PKD1L3: variants seen among roughly 807,000 people sequenced by gnomAD.
The protein encoded by PKD1L3 is polycystin 1 like 3, transient receptor potential channel interacting, also known as polycystin-1-like protein 3.
A neutral mutation model predicts 184.1 loss-of-function variants in PKD1L3; 239 were observed. The ratio of observed to expected loss-of-function variants is 1.30; its 90% CI spans 1.17 to 1.45. The LOEUF (loss-of-function observed/expected upper bound fraction) is 1.45, where lower values mean the gene tolerates loss of function less well. Among genes scored for constraint, PKD1L3 ranks in the 40% most tolerant of loss-of-function variants. PKD1L3 has a pLI of 0.00. For missense variants in PKD1L3, 2,660 were observed against 2,067.2 expected (o/e 1.29, Z -5.56); for synonymous variants, 996 against 778.8 (o/e 1.28, Z -4.64).
intron 16 of PKD1L3, among the ~76,000 whole-genome samples, chr16:71,955,228 C>T (rs756834719): frequency 7.2e-5 from 11 of 151,814 alleles, no homozygotes; most frequent in Non-Finnish European, 1.5e-4. Context: ...AAACCAGTCA[C>T]GGGTGGTGTT....
At position 71,942,776 on chromosome 16, in the gene PKD1L3, G is replaced by A. The variant is rs967938521; in HGVS notation, c.4108C>T (p.Pro1370Ser). The A allele has an allele frequency of 6.4e-6, 10 of 1,551,530 alleles. No homozygotes were observed. The East Asian group carries it at 1.7e-4, about 27-fold the overall frequency. Reference sequence around the variant, plus strand: ...ACTTTCTCATAGGTCTTGGTACGGGGTATTTGGAAAATTAATTGTACCCCA... The same window carrying A: ...ACTTTCTCATAGGTCTTGGTACGGGATATTTGGAAAATTAATTGTACCCCA... ...KCGVQLIFQI[P>S]RTKTYEKVDE... Residue 1370 changes from proline (P) to serine (S), a missense_variant, in exon 24 of 30, where the codon CCC becomes TCC. Coordinates refer to ENST00000620267, the MANE Select transcript of PKD1L3 (RefSeq NM_181536.2).
At chr16:71,995,073 G>C (rs1191186086) in intron 2 of PKD1L3, among the ~76,000 whole-genome samples, 1 of 152,178 alleles carries the variant, frequency 6.6e-6, no homozygotes, top group South Asian at 2.1e-4. Context: ...CACAAACAGG[G>C]TAATTTATAA....
chr16:71,983,076 G>C (rs1426706537), intron 6 of PKD1L3, among the ~76,000 whole-genome samples: 1 of 152,142 alleles, frequency 6.6e-6, no homozygotes, highest in East Asian at 1.9e-4. Flanking sequence ...TTTTTGAGTG[G>C]TGAGTAGACC....
intron 16 of PKD1L3, among the ~76,000 whole-genome samples, chr16:71,960,809 G>A (rs1365895196): frequency 6.6e-6 from 1 of 152,146 alleles, no homozygotes; most frequent in African/African-American, 2.4e-5. Flanking sequence ...TGTAATCCTA[G>A]CTACTCGGGA....
intron 2 of PKD1L3, among the ~76,000 whole-genome samples, chr16:71,994,172 T>C (rs760545753): frequency 3.3e-5 from 5 of 152,320 alleles, no homozygotes; most frequent in South Asian, 2.1e-4. Context: ...ATGATGACTA[T>C]GGCTCAGCTT....
chr16:71,942,646 G>C lies in PKD1L3; in HGVS notation c.4238C>G (p.Pro1413Arg). The C allele has an allele frequency of 6.4e-7, 1 of 1,551,684 alleles. No homozygotes were observed. The highest frequency in any genetic ancestry group is 8.7e-7 in the Non-Finnish European group (1 of 1,146,996). The change falls in exon 24 of 30, where the codon CCC becomes CGC. Residue 1413 changes from proline (P) to arginine (R), a missense_variant. By Grantham distance (103) the Pro-to-Arg change is moderately radical (BLOSUM62 -2). Transcript: ENST00000620267. ...HLRRFSYICS[P>R]RPMVLIPTDE... Reference sequence around the variant, plus strand: ...AGTGGGAATCAGCACCATGGGCCTGGGTGAACAGATGTAACTGAACCTCCT... The same window carrying C: ...AGTGGGAATCAGCACCATGGGCCTGCGTGAACAGATGTAACTGAACCTCCT...
chr16:71,967,831 G>C, intron 14 of PKD1L3, 75 bp downstream of exon 14: 1 of 1,269,268 alleles, frequency 7.9e-7, no homozygotes, highest in Non-Finnish European at 1.1e-6. Flanking sequence ...TTGGTTGCCA[G>C]GATATCACCA....
At chr16:71,984,328 G>A (rs2040277557) in intron 5 of PKD1L3, among the ~76,000 whole-genome samples, 161 bp from the exon 6 acceptor site, 2 of 152,192 alleles carry the variant, frequency 1.3e-5, no homozygotes, top group Non-Finnish European at 2.9e-5. Flanking sequence ...TTTTCTGCGA[G>A]TGGACAGAAT....
At chr16:71,979,710 A>T in intron 9 of PKD1L3, 76 bp downstream of exon 9, 1 of 1,429,368 alleles carries the variant, frequency 7.0e-7, no homozygotes, top group South Asian at 1.6e-5. Flanking sequence ...ATTTCATGAT[A>T]CATTACTTTC....
intron 4 of PKD1L3, among the ~76,000 whole-genome samples, chr16:71,987,174 T>C (rs1011943564): frequency 1.3e-5 from 2 of 151,618 alleles, no homozygotes; most frequent in African/African-American, 2.4e-5. Flanking sequence ...CCACCCACCT[T>C]GGCCTCCCAA....
intron 4 of PKD1L3, among the ~76,000 whole-genome samples, chr16:71,988,498 A>T (rs923060807): frequency 6.6e-6 from 1 of 152,200 alleles, no homozygotes; most frequent in Non-Finnish European, 1.5e-5. Context: ...CCAAGCCAGC[A>T]AACGTGAAAG....
intron 15 of PKD1L3, among the ~76,000 whole-genome samples, chr16:71,963,643 G>A (rs12923797): frequency 0.085 from 12,906 of 152,172 alleles, 770 homozygotes; most frequent in Non-Finnish European, 0.13. Flanking sequence ...TTAGCTGGGC[G>A]TGGTGGTGTG....
Position 71,986,437 on chromosome 16 carries a change from A to T in PKD1L3, c.618T>A (p.Phe206Leu). 6.4e-7 allele frequency: 1 copy of T among 1,551,988 alleles called. No individual in the cohort carries two copies. Among genetic ancestry groups the T allele is most frequent in the Non-Finnish European group, 8.7e-7 (1 of 1,146,878 alleles). Residue 206 changes from phenylalanine (F) to leucine (L), a missense_variant, in exon 5 of 30, where the codon TTT becomes TTA. Physicochemically the swap from Phe to Leu is conservative, Grantham distance 22. Coordinates refer to ENST00000620267, the MANE Select transcript of PKD1L3 (RefSeq NM_181536.2). Reference protein sequence around the residue: ...SKTLCHPISQFPSVLSSITSQ... With the variant: ...SKTLCHPISQLPSVLSSITSQ... ...ATGTGATACTTGATAGTACTGAAGG[A>T]AACTGGCTGATGGGATGACACAGGG...
Position 71,977,561 on chromosome 16 carries a change from T to TTCCTA in PKD1L3, c.1528-95_1528-94insTAGGA. 45 of 392,084 alleles carry TTCCTA rather than the reference T, an allele frequency of 1.1e-4. 1 individual carries two copies. Among genetic ancestry groups the TTCCTA allele is most frequent in the South Asian group, 1.5e-4 (4 of 26,588 alleles). 24.3% of individuals were successfully genotyped at this position (392,084 alleles called of 1,614,324 possible). ...ATAAGGTAAGGAAACGTCCTAGCTC[T>TTCCTA]TTTTTTTTTTTTTTTTTTTGAGATG... On this transcript the variant is annotated intron_variant, in intron 10 of 29. Transcript: ENST00000620267.
chr16:71,967,950 G>A lies in PKD1L3; in HGVS notation c.2242C>T (p.Gln748Ter). 5.8e-6 allele frequency: 9 copies of A among 1,551,606 alleles called. No individual in the cohort carries two copies. The highest frequency in any genetic ancestry group is 7.8e-6 in the Non-Finnish European group (9 of 1,146,900). The part of the protein sequence containing the change: ...DPSAQFHYLI[Q>*]VYTGYRRSAA... Reference sequence around the variant, plus strand: ...CTTCTTCGATATCCGGTGTAGACCTGAATAAGGTAGTGAAATTGAGCGCTG... The same window carrying A: ...CTTCTTCGATATCCGGTGTAGACCTAAATAAGGTAGTGAAATTGAGCGCTG... Residue 748 changes from glutamine to a stop codon, truncating the protein, a stop_gained, in exon 14 of 30, where the codon CAG becomes TAG. Transcript: ENST00000620267. LOFTEE classifies it high-confidence loss of function.
At chr16:71,988,805 G>A (rs1399788857) in intron 4 of PKD1L3, among the ~76,000 whole-genome samples, 1 of 152,166 alleles carries the variant, frequency 6.6e-6, no homozygotes, top group African/African-American at 2.4e-5. Flanking sequence ...ACCTGAAGCA[G>A]CAGTTAGAGT....
chr16:71,971,277 T>TA (rs1185122404), intron 12 of PKD1L3, among the ~76,000 whole-genome samples: 3 of 152,230 alleles, frequency 2.0e-5, no homozygotes, highest in Admixed American at 6.5e-5. Flanking sequence ...TTCAATGTTT[T>TA]TTATTATTCT....
intron 28 of PKD1L3, among the ~76,000 whole-genome samples, chr16:71,931,502 T>C (rs1162254012): frequency 7.2e-6 from 1 of 138,352 alleles, no homozygotes; most frequent in Non-Finnish European, 1.5e-5. Context: ...GGTCTTGCTC[T>C]CACCCCGGCT....
At chr16:71,992,562 G>A (rs2040631217) in intron 3 of PKD1L3, among the ~76,000 whole-genome samples, 1 of 152,136 alleles carries the variant, frequency 6.6e-6, no homozygotes, top group Non-Finnish European at 1.5e-5. Flanking sequence ...TCCACCTAAT[G>A]CTATCACTAA....
Sources: allele counts gnomAD v4.1 joint callset (sites outside exome capture counted in the v4.1 genomes callset), GRCh38; gene constraint gnomAD v4.1.1; transcripts MANE v1.5; gene names NCBI Gene and HGNC (gene_info 2026-07-23, HGNC 2026-07-21).